The following FOXK1 variants were observed in gnomAD, a reference collection of about 807,000 sequenced individuals.
The protein encoded by FOXK1 is forkhead box K1, also known as forkhead box protein K1.
A neutral mutation model predicts 51.9 loss-of-function variants in FOXK1; 19 were observed. The ratio of observed to expected loss-of-function variants is 0.37; its 90% CI spans 0.26 to 0.54. The LOEUF (loss-of-function observed/expected upper bound fraction) is 0.54. Among genes scored for constraint, FOXK1 ranks in the 20% least tolerant of loss-of-function variants. FOXK1 has a pLI of 0.87. For missense variants in FOXK1, 870 were observed against 1,032.7 expected, an observed-to-expected ratio of 0.84 and a Z score of 2.16; for synonymous variants, 537 against 482.6, an observed-to-expected ratio of 1.11 and a Z score of -1.48.
chr7:4,695,419 G>A (rs1779939167), intron 1 of FOXK1, among the ~76,000 whole-genome samples: 2 of 152,154 alleles, frequency 1.3e-5, no homozygotes, highest in South Asian at 4.1e-4. Context: ...ATGCCATGGC[G>A]AGTCTAGAAC....
In FOXK1 at chr7:4,749,587, G is replaced by A. The variant is rs1002002367; in HGVS notation, c.747-4872G>A. 9.2e-5 allele frequency among the ~76,000 whole-genome samples: 14 copies of A among 152,178 alleles called. No individual in the cohort carries two copies. The highest frequency in any genetic ancestry group is 1.3e-4 in the Non-Finnish European group (9 of 68,030). On this transcript the variant is annotated intron_variant, in intron 2 of 8. Transcript: ENST00000328914. This position sits in a 1 kb window ranked among gnomAD's most constrained non-coding sequence, Gnocchi z 6.0. Reference sequence around the variant, plus strand: ...GCTCCTTCCTCCAGCCCCTCCAGGCGGGTCCCTCTGTGTCTCTAGGGCTTC... The same window carrying A: ...GCTCCTTCCTCCAGCCCCTCCAGGCAGGTCCCTCTGTGTCTCTAGGGCTTC...
At chr7:4,746,129 C>T (rs115982104) in intron 2 of FOXK1, among the ~76,000 whole-genome samples, 1,754 of 152,164 alleles carry the variant, frequency 0.012, 34 homozygotes, top group African/African-American at 0.041. Context: ...ACGTGGAGAT[C>T]AAAAATGAAA....
chr7:4,728,720 G>A (rs1362231754), intron 1 of FOXK1, among the ~76,000 whole-genome samples: 3 of 107,050 alleles, frequency 2.8e-5, no homozygotes, highest in Admixed American at 1.3e-4. Context: ...GTGAGACCAC[G>A]TCTCTTTTTG....
chr7:4,729,228 G>A lies in FOXK1; in HGVS notation c.561-11610G>A, dbSNP rs537411443. Among the ~76,000 whole-genome samples the A allele has an allele frequency of 3.7e-3, 565 of 152,256 alleles. 3 individuals carry two copies. Among genetic ancestry groups the A allele is most frequent in the African/African-American group, 0.013 (530 of 41,538 alleles). ...CTCTCCGATCCTCAGGATCCTCTTC[G>A]GGAGCAGCAGGCAGTGGCTTTCTCC... On this transcript the variant is annotated intron_variant, in intron 1 of 8. Coordinates refer to ENST00000328914, the MANE Select transcript of FOXK1 (RefSeq NM_001037165.2). The surrounding 1 kb of genome is among the most constrained non-coding windows in gnomAD (Gnocchi z 6.2).
intron 1 of FOXK1, among the ~76,000 whole-genome samples, chr7:4,720,841 C>G (rs928717875): frequency 6.6e-6 from 1 of 151,722 alleles, no homozygotes; most frequent in African/African-American, 2.4e-5. Flanking sequence ...GCCTCAGCCT[C>G]CTGAGCACCT....
chr7:4,760,394 T>TA (rs1339145925), intron 7 of FOXK1, among the ~76,000 whole-genome samples: 1 of 152,184 alleles, frequency 6.6e-6, no homozygotes. Flanking sequence ...CTCTCCACCC[T>TA]GGACTTCCTC....
intron 1 of FOXK1, among the ~76,000 whole-genome samples, chr7:4,721,589 C>CTTTTTTTTTTTTTTTTTTTTTTT (rs200132324): frequency 3.0e-4 from 34 of 112,640 alleles, no homozygotes; most frequent in African/African-American, 4.7e-4. Flanking sequence ...TCTTTTTTTT[C>CTTTTTTTTTTTTTTTTTTTTTTT]TTTTTTTTTT....
chr7:4,713,490 T>G (rs913308574), intron 1 of FOXK1, among the ~76,000 whole-genome samples: 591 of 55,642 alleles, frequency 0.011, 5 homozygotes, highest in African/African-American at 0.061. Flanking sequence ...ACCACCGTGT[T>G]TTTTTTTTTG....
chr7:4,730,954 G>A lies in FOXK1; in HGVS notation c.561-9884G>A, dbSNP rs1207738792. 6.6e-6 allele frequency among the ~76,000 whole-genome samples: 1 copy of A among 152,038 alleles called. No individual in the cohort carries two copies. The highest frequency in any genetic ancestry group is 2.4e-5 in the African/African-American group (1 of 41,372). On this transcript the variant is annotated intron_variant, in intron 1 of 8. Transcript: ENST00000328914. The surrounding 1 kb of genome is among the most constrained non-coding windows in gnomAD (Gnocchi z 4.7). ...GGCCGAGGCAGGAGGATCCCTTGAG[G>A]CCAGGAGTTGGAGACTAGCCTGGGC...
At chr7:4,705,040 C>T (rs1376009409) in intron 1 of FOXK1, among the ~76,000 whole-genome samples, 2 of 151,924 alleles carry the variant, frequency 1.3e-5, no homozygotes, top group Non-Finnish European at 2.9e-5. Flanking sequence ...CCCTGTTGGC[C>T]AGGCTGGTCT....
rs985414895 is a variant in FOXK1 at position 4,722,394 on chromosome 7, C to T, written c.561-18444C>T. 2.6e-5 allele frequency among the ~76,000 whole-genome samples: 4 copies of T among 152,238 alleles called. No individual in the cohort carries two copies. Among genetic ancestry groups the T allele is most frequent in the Non-Finnish European group, 5.9e-5 (4 of 68,038 alleles). On this transcript the variant is annotated intron_variant, in intron 1 of 8. Coordinates refer to ENST00000328914, the MANE Select transcript of FOXK1 (RefSeq NM_001037165.2). This position sits in a 1 kb window ranked among gnomAD's most constrained non-coding sequence, Gnocchi z 5.1. ...GTATTTCCTAGGCTTAAAACCCATT[C>T]TCCTGTGAAGAGGCCTTCCCTGAGA...
rs1489656651 is a variant in FOXK1 at position 4,767,785 on chromosome 7, T to C, written c.*5321T>C. The C allele has an allele frequency of 6.6e-6, 1 of 152,242 alleles. No individual in the cohort carries two copies. The highest frequency in any genetic ancestry group is 2.4e-5 in the African/African-American group (1 of 41,462). The allele number at this position is 152,242 out of a possible 1,614,324, so 9.4% of individuals were successfully genotyped here. A position where few individuals can be genotyped will look rare whatever the true frequency, so the allele number is the denominator to read the frequency against. Reference sequence around the variant, plus strand: ...ACTTACTGTTTTTTTGGTTGGGTTTTGATACGAAAAGCTGCTACGTTTGGT... The same window carrying C: ...ACTTACTGTTTTTTTGGTTGGGTTTCGATACGAAAAGCTGCTACGTTTGGT... On this transcript the variant is annotated 3_prime_UTR_variant, in exon 9 of 9. Coordinates refer to ENST00000328914, the MANE Select transcript of FOXK1 (RefSeq NM_001037165.2). The surrounding 1 kb of genome is among the most constrained non-coding windows in gnomAD (Gnocchi z 6.6).
intron 1 of FOXK1, among the ~76,000 whole-genome samples, chr7:4,706,033 CGT>C (rs1491402858): frequency 2.2e-5 from 2 of 90,660 alleles, no homozygotes; most frequent in South Asian, 2.6e-4. Flanking sequence ...CGTGTATATA[CGT>C]GTATATACGT....
chr7:4,712,431 A>G (rs1780186632), intron 1 of FOXK1, among the ~76,000 whole-genome samples: 1 of 152,170 alleles, frequency 6.6e-6, no homozygotes, highest in Non-Finnish European at 1.5e-5. Flanking sequence ...CTTTCGCCTT[A>G]CGTCATCATA....
intron 1 of FOXK1, among the ~76,000 whole-genome samples, chr7:4,721,450 C>T (rs1780309334): frequency 1.3e-5 from 2 of 152,132 alleles, no homozygotes; most frequent in African/African-American, 4.8e-5. Context: ...ATTCTAATCT[C>T]CAGGCGTCGG....
chr7:4,753,271 C>T lies in FOXK1; in HGVS notation c.747-1188C>T, dbSNP rs1004851117. On this transcript the variant is annotated intron_variant, in intron 2 of 8. Transcript: ENST00000328914. The surrounding 1 kb of genome is among the most constrained non-coding windows in gnomAD (Gnocchi z 4.9). ...TCCAAAAAATGTTTCTTGAGCCCCG[C>T]CTGCACCCAAGGGGGCTCCTACTTA... Among the ~76,000 whole-genome samples, 1 of 152,206 alleles carries T rather than the reference C, an allele frequency of 6.6e-6. No homozygotes were observed. The highest frequency in any genetic ancestry group is 6.5e-5 in the Admixed American group (1 of 15,278).
chr7:4,745,475 T>TGG lies in FOXK1; in HGVS notation c.746+4453_746+4454insGG, dbSNP rs1239142109. On this transcript the variant is annotated intron_variant, in intron 2 of 8. Transcript: ENST00000328914. This position sits in a 1 kb window ranked among gnomAD's most constrained non-coding sequence, Gnocchi z 4.3. ...GTATGGGTGTGGGTGTGTGGTTTTG[T>TGG]GTGTGTGTGTGTGTTTCTGATTTAT... 1.3e-5 allele frequency among the ~76,000 whole-genome samples: 2 copies of TGG among 151,508 alleles called. No homozygotes were observed. Among genetic ancestry groups the TGG allele is most frequent in the Non-Finnish European group, 2.9e-5 (2 of 67,834 alleles).
Position 4,722,787 on chromosome 7 carries a change from G to A in FOXK1, c.561-18051G>A, listed in dbSNP as rs916770737. Among the ~76,000 whole-genome samples, 1 of 152,152 alleles carries A rather than the reference G, an allele frequency of 6.6e-6. No individual in the cohort carries two copies. The highest frequency in any genetic ancestry group is 2.4e-5 in the African/African-American group (1 of 41,434). On this transcript the variant is annotated intron_variant, in intron 1 of 8. Transcript: ENST00000328914. This position sits in a 1 kb window ranked among gnomAD's most constrained non-coding sequence, Gnocchi z 5.1. Reference sequence around the variant, plus strand: ...TGGGGGATTCCGTTCCTTTGCTGCTGCCTTGGCCACAGGCCTCCACAGCCC... The same window carrying A: ...TGGGGGATTCCGTTCCTTTGCTGCTACCTTGGCCACAGGCCTCCACAGCCC...
In FOXK1 at chr7:4,702,729, T is replaced by G. The variant is rs987061749; in HGVS notation, c.560+19861T>G. Reference sequence around the variant, plus strand: ...CTTCTTCATGATCCTGTTTGTGTTTTCCACTTCTCTGGAAAGACCGCTTCA... The same window carrying G: ...CTTCTTCATGATCCTGTTTGTGTTTGCCACTTCTCTGGAAAGACCGCTTCA... On this transcript the variant is annotated intron_variant, in intron 1 of 8. Coordinates refer to ENST00000328914, the MANE Select transcript of FOXK1 (RefSeq NM_001037165.2). Among the ~76,000 whole-genome samples the G allele has an allele frequency of 5.9e-5, 9 of 152,196 alleles. No individual in the cohort carries two copies. In the East Asian group the frequency reaches 1.7e-3, roughly 29 times the overall value.
Sources: allele counts gnomAD v4.1 joint callset (sites outside exome capture counted in the v4.1 genomes callset), GRCh38; gene constraint gnomAD v4.1.1; non-coding constraint Gnocchi (gnomAD v3.1); transcripts MANE v1.5; gene names NCBI Gene and HGNC (gene_info 2026-07-23, HGNC 2026-07-21).